PTPRM: variants seen among roughly 807,000 people sequenced by gnomAD.
PTPRM encodes the protein receptor-type tyrosine-protein phosphatase mu.
Under a neutral mutation model 186.7 loss-of-function variants are expected in PTPRM, and 47 were observed. The observed-to-expected ratio is 0.25, with a 90% CI of 0.20 to 0.32. The LOEUF (loss-of-function observed/expected upper bound fraction) is 0.32. Ranked by LOEUF, PTPRM falls within the 10% of genes least tolerant of loss-of-function variation. The pLI is 1.00. For synonymous variants in PTPRM, 668 were observed against 674.9 expected (o/e 0.99, Z 0.16); for missense variants, 1,494 against 1,865.0 (o/e 0.80, Z 3.66).
chr18:8,351,511 G>C (rs948409538), intron 23 of PTPRM, among the ~76,000 whole-genome samples: 2 of 152,122 alleles, frequency 1.3e-5, no homozygotes, highest in Admixed American at 6.5e-5. Flanking sequence ...CCACCAGGCT[G>C]TGGGTCCTTC....
chr18:8,131,912 G>A (rs532526734), intron 13 of PTPRM, among the ~76,000 whole-genome samples: 9 of 152,258 alleles, frequency 5.9e-5, no homozygotes, highest in Non-Finnish European at 7.4e-5. Flanking sequence ...TTAGTATATC[G>A]ATCAGTATCT....
chr18:8,012,379 G>A (rs1054475511), intron 7 of PTPRM, among the ~76,000 whole-genome samples: 2 of 152,176 alleles, frequency 1.3e-5, no homozygotes, highest in Admixed American at 6.5e-5. Flanking sequence ...TGGTAACTTG[G>A]CATCTGCCAG....
intron 22 of PTPRM, among the ~76,000 whole-genome samples, chr18:8,325,680 T>C (rs959897660): frequency 5.9e-5 from 9 of 152,216 alleles, no homozygotes; most frequent in African/African-American, 2.2e-4. Context: ...TTTATTTTTC[T>C]TTGGGTATAC....
chr18:7,649,411 C>G (rs943501606), intron 1 of PTPRM, among the ~76,000 whole-genome samples: 8 of 152,184 alleles, frequency 5.3e-5, no homozygotes, highest in Admixed American at 1.3e-4. Flanking sequence ...AAGGCTATAG[C>G]TATCATAGAT....
At chr18:8,126,261 G>A (rs919894005) in intron 13 of PTPRM, among the ~76,000 whole-genome samples, 1 of 150,938 alleles carries the variant, frequency 6.6e-6, no homozygotes, top group African/African-American at 2.4e-5. Context: ...AGTAAATTTT[G>A]ATTGAGGGGA....
chr18:8,111,337 G>A (rs890488530), intron 11 of PTPRM, among the ~76,000 whole-genome samples: 1 of 152,208 alleles, frequency 6.6e-6, no homozygotes, highest in Non-Finnish European at 1.5e-5. Context: ...TATTGGCCAG[G>A]CGCAGTGGCT....
At chr18:7,772,444 C>CTCTT in intron 1 of PTPRM, among the ~76,000 whole-genome samples, 1 of 92,352 alleles carries the variant, frequency 1.1e-5, no homozygotes, top group Non-Finnish European at 2.0e-5. Flanking sequence ...CTTCCCCTTC[C>CTCTT]CCTTCCTTCC....
chr18:8,254,522 T>A (rs1420732730), intron 19 of PTPRM, among the ~76,000 whole-genome samples: 1 of 152,208 alleles, frequency 6.6e-6, no homozygotes, highest in Non-Finnish European at 1.5e-5. Context: ...GACATGTGGT[T>A]TTTTTAAACC....
intron 1 of PTPRM, among the ~76,000 whole-genome samples, chr18:7,647,105 A>G (rs184292000): frequency 6.6e-6 from 1 of 152,282 alleles, no homozygotes; most frequent in Non-Finnish European, 1.5e-5. Context: ...GGTGAAATGA[A>G]TTCAGGGTAC....
intron 19 of PTPRM, among the ~76,000 whole-genome samples, chr18:8,286,822 T>C (rs2094961859): frequency 6.6e-6 from 1 of 152,200 alleles, no homozygotes. Context: ...TTTTGATCTT[T>C]AGTTACCATG....
chr18:7,582,230 G>A (rs2036864234), intron 1 of PTPRM, among the ~76,000 whole-genome samples: 1 of 152,140 alleles, frequency 6.6e-6, no homozygotes, highest in South Asian at 2.1e-4. Flanking sequence ...GGGTGCCTCT[G>A]CTGACCTAAG....
At chr18:8,148,879 T>C (rs1401594327) in intron 14 of PTPRM, among the ~76,000 whole-genome samples, 1 of 152,206 alleles carries the variant, frequency 6.6e-6, no homozygotes, top group South Asian at 2.1e-4. Flanking sequence ...TCAAAGAACA[T>C]CTTTATTTCT....
At chr18:7,878,864 A>G (rs1358393972) in intron 2 of PTPRM, among the ~76,000 whole-genome samples, 1 of 152,182 alleles carries the variant, frequency 6.6e-6, no homozygotes, top group Non-Finnish European at 1.5e-5. Flanking sequence ...CCCGTTTCTA[A>G]AGATGTCAAT....
chr18:8,061,771 T>C (rs1201047802), intron 7 of PTPRM, among the ~76,000 whole-genome samples: 5 of 114,256 alleles, frequency 4.4e-5, no homozygotes, highest in Non-Finnish European at 9.1e-5. Context: ...TCTTTAAGAA[T>C]GTTGAATATT....
At chr18:7,996,673 T>C (rs1281806685) in intron 7 of PTPRM, among the ~76,000 whole-genome samples, 1 of 152,012 alleles carries the variant, frequency 6.6e-6, no homozygotes, top group African/African-American at 2.4e-5. Flanking sequence ...TTAGAACATG[T>C]AATCAATTTC....
chr18:7,589,001 C>CT (rs2037054989), intron 1 of PTPRM, among the ~76,000 whole-genome samples: 1 of 152,106 alleles, frequency 6.6e-6, no homozygotes, highest in Non-Finnish European at 1.5e-5. Context: ...AGGTGCATAC[C>CT]ACCATGCTTG....
rs777885114 is a variant in PTPRM, at chr18:7,882,226, C to A, written c.197-5880C>A. ...CGAATAATAACAAATCTGGGGCTAC[C>A]ATGTTGTGTGACTAAACAATTTCAT... On this transcript the variant is annotated intron_variant, in intron 2 of 32. Coordinates refer to ENST00000580170, the MANE Select transcript of PTPRM (RefSeq NM_001105244.2). Among the ~76,000 whole-genome samples the A allele has an allele frequency of 3.9e-5, 6 of 152,004 alleles. 1 individual carries two copies. Among genetic ancestry groups the A allele is most frequent in the Non-Finnish European group, 8.8e-5 (6 of 68,004 alleles).
At chr18:8,200,414 C>T (rs899515568) in intron 14 of PTPRM, among the ~76,000 whole-genome samples, 2 of 152,240 alleles carry the variant, frequency 1.3e-5, no homozygotes, top group Non-Finnish European at 2.9e-5. Flanking sequence ...GGCACCTTGT[C>T]ACAAGACATT....
intron 4 of PTPRM, among the ~76,000 whole-genome samples, chr18:7,911,311 G>T (rs890880452): frequency 1.3e-5 from 2 of 152,200 alleles, no homozygotes; most frequent in African/African-American, 2.4e-5. Flanking sequence ...AGCATTTGAA[G>T]AACTGTGAAA....
Sources: allele counts gnomAD v4.1 joint callset (sites outside exome capture counted in the v4.1 genomes callset), GRCh38; gene constraint gnomAD v4.1.1; transcripts MANE v1.5; gene names NCBI Gene and HGNC (gene_info 2026-07-23, HGNC 2026-07-21).